The following PRICKLE1 variants were observed in gnomAD, a reference collection of about 807,000 sequenced individuals.
PRICKLE1 encodes prickle planar cell polarity protein 1.
Under a neutral mutation model 70.2 loss-of-function variants are expected in PRICKLE1, and 14 were observed. That is an observed-to-expected ratio of 0.20 (90% CI 0.13 to 0.31). The LOEUF is 0.31. Ranked by LOEUF, PRICKLE1 falls within the 10% of genes least tolerant of loss-of-function variation. The pLI, the probability that PRICKLE1 is intolerant of heterozygous loss-of-function variation, is 1.00. For missense variants in PRICKLE1, 821 were observed against 1,026.2 expected, an observed-to-expected ratio of 0.80 and a Z score of 2.73; for synonymous variants, 357 against 379.9, an observed-to-expected ratio of 0.94 and a Z score of 0.70.
chr12:42,519,193 C>CTTT lies in PRICKLE1; in HGVS notation c.-48-46632_-48-46630dup, dbSNP rs11342397. ...TACTGAATTTCCTTTCCTTTTTTTC[C>CTTT]TTTTTTTTTTTTTTTTTTTTGAGAT... On this transcript the variant is annotated intron_variant, in intron 1 of 7. Coordinates refer to ENST00000345127, the MANE Select transcript of PRICKLE1 (RefSeq NM_153026.3). Among the ~76,000 whole-genome samples, 19 of 99,200 alleles carry CTTT rather than the reference C, an allele frequency of 1.9e-4. 1 individual carries two copies. The highest frequency in any genetic ancestry group is 1.1e-3 in the South Asian group (3 of 2,622). The allele number at this position is 99,200 out of a possible 152,430, so 65.1% of individuals were successfully genotyped here. A position where few individuals can be genotyped will look rare whatever the true frequency, so the allele number is the denominator to read the frequency against.
At chr12:42,543,923 T>A (rs982144660) in intron 1 of PRICKLE1, among the ~76,000 whole-genome samples, 1 of 152,216 alleles carries the variant, frequency 6.6e-6, no homozygotes, top group African/African-American at 2.4e-5. Context: ...TATACTGTAT[T>A]TTTACAATAA....
intron 1 of PRICKLE1, among the ~76,000 whole-genome samples, chr12:42,554,998 C>T (rs1940390299): frequency 1.3e-5 from 2 of 151,796 alleles, no homozygotes; most frequent in Non-Finnish European, 2.9e-5. Context: ...TCTTCAAACT[C>T]CTTTAAAATA....
rs1937695687 is a variant in PRICKLE1 at position 42,459,201 on chromosome 12, A to G, written c.*608T>C. ...TATACATTAATATTTGCACCGTTAA[A>G]TTAGGAATACACTTAAGTCTATGAA... On this transcript the variant is annotated 3_prime_UTR_variant, in exon 8 of 8. Transcript: ENST00000345127. 6 of 685,982 alleles carry G rather than the reference A, an allele frequency of 8.7e-6. No individual in the cohort carries two copies. Among genetic ancestry groups the G allele is most frequent in the Non-Finnish European group, 1.6e-5 (6 of 379,378 alleles). 42.5% of individuals were successfully genotyped at this position (685,982 alleles called of 1,614,324 possible). A position where few individuals can be genotyped will look rare whatever the true frequency, so the allele number is the denominator to read the frequency against.
chr12:42,580,873 CAA>C (rs1009025833), intron 1 of PRICKLE1, among the ~76,000 whole-genome samples: 1 of 147,504 alleles, frequency 6.8e-6, no homozygotes, highest in African/African-American at 2.5e-5. Flanking sequence ...AATGAATGAA[CAA>C]AAGAGAAAGG....
chr12:42,460,441 A>G lies in PRICKLE1; in HGVS notation c.1864T>C (p.Ser622Pro), dbSNP rs773978081. ...KPVHLPVLRR[S>P]KSQSRPQQVK... ...TGCTGGGGTCTGGATTGAGACTTGG[A>G]CCTTCTGAGCACTGGCAGATGTACT... The change falls in exon 8 of 8, where the codon TCC becomes CCC. Residue 622 changes from serine to proline, a missense_variant. Coordinates refer to ENST00000345127, the MANE Select transcript of PRICKLE1 (RefSeq NM_153026.3). 6 of 1,613,996 alleles carry G rather than the reference A, an allele frequency of 3.7e-6. No individual in the cohort carries two copies. Among genetic ancestry groups the G allele is most frequent in the Non-Finnish European group, 5.1e-6 (6 of 1,179,952 alleles).
rs180913286 is a variant in PRICKLE1 at position 42,517,095 on chromosome 12, T to A, written c.-48-44531A>T. On this transcript the variant is annotated intron_variant, in intron 1 of 7. Coordinates refer to ENST00000345127, the MANE Select transcript of PRICKLE1 (RefSeq NM_153026.3). The stretch of plus-strand genomic sequence containing the variant: ...AACTCAGATTGCTTCTCAACTTGCT[T>A]CTCAATCTGTACTTCCAGATTAGGA... 1.6e-4 allele frequency among the ~76,000 whole-genome samples: 25 copies of A among 152,308 alleles called. No homozygotes were observed. The East Asian group carries it at 4.4e-3, about 27-fold the overall frequency.
chr12:42,552,770 A>G (rs114481785), intron 1 of PRICKLE1, among the ~76,000 whole-genome samples: 462 of 152,342 alleles, frequency 3.0e-3, no homozygotes, highest in African/African-American at 0.011. Context: ...TCTGACAAAT[A>G]GGGAAGTGGT....
intron 1 of PRICKLE1, among the ~76,000 whole-genome samples, chr12:42,477,698 C>G (rs1400323127): frequency 6.6e-6 from 1 of 151,680 alleles, no homozygotes; most frequent in African/African-American, 2.4e-5. Context: ...GCCAAAACAT[C>G]ATGCTTTAAG....
At position 42,558,953 on chromosome 12, in the gene PRICKLE1, T is replaced by C. The variant is rs187268562; in HGVS notation, c.-49+30512A>G. Reference sequence around the variant, plus strand: ...CCAGGTGAACCAAATCGCATGATTGTATAAATTTTTCATTTGCAACAAGTC... The same window carrying C: ...CCAGGTGAACCAAATCGCATGATTGCATAAATTTTTCATTTGCAACAAGTC... On this transcript the variant is annotated intron_variant, in intron 1 of 7. Transcript: ENST00000345127. Among the ~76,000 whole-genome samples, 4 of 152,340 alleles carry C rather than the reference T, an allele frequency of 2.6e-5. No individual in the cohort carries two copies. The East Asian group carries it at 7.7e-4, about 29-fold the overall frequency.
chr12:42,523,128 AT>A lies in PRICKLE1; in HGVS notation c.-48-50565del, dbSNP rs1248818147. 3.3e-5 allele frequency among the ~76,000 whole-genome samples: 5 copies of A among 152,092 alleles called. No homozygotes were observed. In the East Asian group the frequency reaches 7.7e-4, roughly 24 times the overall value. On this transcript the variant is annotated intron_variant, in intron 1 of 7. Transcript: ENST00000345127. The stretch of plus-strand genomic sequence containing the variant: ...AGGCACCTGCCACCATGCCAGGCTA[AT>A]TTTTTTGTATTTTATTTTTAGTAGA...
chr12:42,491,452 C>T (rs1339061910), intron 1 of PRICKLE1, among the ~76,000 whole-genome samples: 1 of 151,744 alleles, frequency 6.6e-6, no homozygotes, highest in African/African-American at 2.4e-5. Context: ...TCTCGGGAGG[C>T]TGAGCCAGGA....
At chr12:42,466,509 T>C in intron 5 of PRICKLE1, 129 bp from the exon 6 acceptor site, 1 of 769,786 alleles carries the variant, frequency 1.3e-6, no homozygotes. Flanking sequence ...TAGCTAACCT[T>C]GTTTCTTAGA....
intron 1 of PRICKLE1, among the ~76,000 whole-genome samples, chr12:42,527,358 C>T (rs573419229): frequency 6.6e-6 from 1 of 152,202 alleles, no homozygotes; most frequent in South Asian, 2.1e-4. Context: ...GCCTTGAACT[C>T]CTAACCTCAA....
intron 1 of PRICKLE1, among the ~76,000 whole-genome samples, chr12:42,491,875 C>T (rs1939111253): frequency 6.6e-6 from 1 of 151,116 alleles, no homozygotes; most frequent in South Asian, 2.1e-4. Context: ...CTCCACTTCC[C>T]CGGGTTCAAG....
intron 1 of PRICKLE1, among the ~76,000 whole-genome samples, chr12:42,583,750 C>T (rs1244473039): frequency 6.6e-6 from 1 of 152,218 alleles, no homozygotes; most frequent in Non-Finnish European, 1.5e-5. Flanking sequence ...TGCAAGTCAA[C>T]TACTGTTCAA....
At chr12:42,551,215 T>C (rs1940310340) in intron 1 of PRICKLE1, among the ~76,000 whole-genome samples, 1 of 152,220 alleles carries the variant, frequency 6.6e-6, no homozygotes, top group Admixed American at 6.5e-5. Flanking sequence ...TTACGGTAGC[T>C]TAAATAACTA....
intron 1 of PRICKLE1, among the ~76,000 whole-genome samples, chr12:42,582,478 C>T (rs1940918666): frequency 6.6e-6 from 1 of 152,190 alleles, no homozygotes; most frequent in Non-Finnish European, 1.5e-5. Context: ...AACTTTATCT[C>T]TTTCTAAAAA....
chr12:42,498,393 C>T (rs773891413), intron 1 of PRICKLE1, among the ~76,000 whole-genome samples: 9 of 151,972 alleles, frequency 5.9e-5, no homozygotes, highest in Non-Finnish European at 1.2e-4. Flanking sequence ...AGCCTGGTAT[C>T]GAACTCCTGG....
In PRICKLE1 at chr12:42,553,900, A is replaced by G. The variant is rs1940368777; in HGVS notation, c.-49+35565T>C. ...GGCGGATCACCTGAGGTCAGAAGTT[A>G]GAGACCAGCCTGGCCAACACAGCGA... On this transcript the variant is annotated intron_variant, in intron 1 of 7. Coordinates refer to ENST00000345127, the MANE Select transcript of PRICKLE1 (RefSeq NM_153026.3). Among the ~76,000 whole-genome samples the G allele has an allele frequency of 2.0e-5, 3 of 152,116 alleles. No individual in the cohort carries two copies. In the South Asian group the frequency reaches 6.2e-4, roughly 32 times the overall value.
Sources: allele counts gnomAD v4.1 joint callset (sites outside exome capture counted in the v4.1 genomes callset), GRCh38; gene constraint gnomAD v4.1.1; transcripts MANE v1.5; gene names NCBI Gene and HGNC (gene_info 2026-07-23, HGNC 2026-07-21).